PDE4B: variants seen among roughly 807,000 people sequenced by gnomAD.
PDE4B encodes the protein phosphodiesterase 4B, also known as 3',5'-cyclic-AMP phosphodiesterase 4B.
PDE4B carries 20 observed loss-of-function variants against 82.2 expected under a neutral mutation model. The ratio of observed to expected loss-of-function variants is 0.24; its 90% CI spans 0.17 to 0.35. The LOEUF (loss-of-function observed/expected upper bound fraction) is 0.35. Ranked by LOEUF, PDE4B falls within the 10% of genes least tolerant of loss-of-function variation. The pLI is 1.00. For synonymous variants in PDE4B, 320 were observed against 318.9 expected (o/e 1.00, Z -0.04); for missense variants, 655 against 907.2 (o/e 0.72, Z 3.57).
At chr1:66,053,696 T>C (rs2100870602) in intron 3 of PDE4B, among the ~76,000 whole-genome samples, 1 of 151,920 alleles carries the variant, frequency 6.6e-6, no homozygotes, top group Non-Finnish European at 1.5e-5. Flanking sequence ...CCATCTCCAC[T>C]AAAATACAAA....
chr1:66,093,345 G>T (rs1282413239), intron 3 of PDE4B, among the ~76,000 whole-genome samples: 2 of 151,988 alleles, frequency 1.3e-5, no homozygotes, highest in Admixed American at 1.3e-4. Context: ...ATGATGAGGT[G>T]GGTATTGCTT....
At chr1:65,851,067 T>C (rs1034213519) in intron 1 of PDE4B, among the ~76,000 whole-genome samples, 1 of 152,176 alleles carries the variant, frequency 6.6e-6, no homozygotes, top group Non-Finnish European at 1.5e-5. Context: ...AACAATTAGC[T>C]AAAAAGTCTT....
chr1:65,863,064 C>T (rs1044962085), intron 1 of PDE4B, among the ~76,000 whole-genome samples: 2 of 150,084 alleles, frequency 1.3e-5, no homozygotes, highest in African/African-American at 4.9e-5. Context: ...GTTTGCTCTT[C>T]CTTCTCTAGT....
intron 3 of PDE4B, among the ~76,000 whole-genome samples, chr1:66,154,340 C>T (rs933965849): frequency 5.9e-5 from 9 of 152,144 alleles, no homozygotes; most frequent in East Asian, 3.9e-4. Flanking sequence ...AATGACCAGG[C>T]GGTTCTCCAT....
chr1:65,864,791 G>A (rs1256665206), intron 1 of PDE4B, among the ~76,000 whole-genome samples: 1 of 152,176 alleles, frequency 6.6e-6, no homozygotes, highest in African/African-American at 2.4e-5. Context: ...CCTGTATGAA[G>A]TGTCTGTCGA....
chr1:66,358,397 G>T (rs185620975), intron 9 of PDE4B, among the ~76,000 whole-genome samples: 1 of 152,122 alleles, frequency 6.6e-6, no homozygotes, highest in Admixed American at 6.5e-5. Flanking sequence ...TTAACAGGCC[G>T]GGCGTGGCAG....
intron 3 of PDE4B, among the ~76,000 whole-genome samples, chr1:66,091,280 C>G (rs1010431356): frequency 6.6e-6 from 1 of 152,054 alleles, no homozygotes; most frequent in Non-Finnish European, 1.5e-5. Flanking sequence ...GGTTTCCTAG[C>G]AACCAAGTTT....
At chr1:65,845,899 G>A (rs1646263108) in intron 1 of PDE4B, among the ~76,000 whole-genome samples, 1 of 152,130 alleles carries the variant, frequency 6.6e-6, no homozygotes, top group African/African-American at 2.4e-5. Context: ...TCCCTATGCA[G>A]GGGCTTAGAG....
intron 3 of PDE4B, among the ~76,000 whole-genome samples, chr1:66,064,915 A>G (rs900712406): frequency 6.6e-6 from 1 of 151,960 alleles, no homozygotes; most frequent in Admixed American, 6.6e-5. Context: ...AAACTATATT[A>G]TTGCTTTTCT....
At chr1:65,991,838 C>T (rs896706450) in intron 3 of PDE4B, among the ~76,000 whole-genome samples, 3 of 152,202 alleles carry the variant, frequency 2.0e-5, no homozygotes, top group Non-Finnish European at 4.4e-5. Flanking sequence ...TGCACACACA[C>T]AAACACATGC....
In PDE4B at chr1:66,363,591, T is replaced by C. The variant is rs1427827549; in HGVS notation, c.1284+20T>C. ...TTAGACGTGAGTAATTATGACCTGT[T>C]TTGCATTCCTGCCCATCCTCCTTCA... On this transcript the variant is annotated intron_variant, in intron 12 of 16. Transcript: ENST00000341517. 1.3e-6 allele frequency: 2 copies of C among 1,594,200 alleles called. No individual in the cohort carries two copies. The highest frequency in any genetic ancestry group is 1.7e-6 in the Non-Finnish European group (2 of 1,166,836).
At chr1:66,003,782 T>G (rs1170725960) in intron 3 of PDE4B, among the ~76,000 whole-genome samples, 1 of 152,212 alleles carries the variant, frequency 6.6e-6, no homozygotes, top group African/African-American at 2.4e-5. Context: ...CTATGGGATC[T>G]AAGTCTTTCT....
intron 3 of PDE4B, among the ~76,000 whole-genome samples, chr1:66,133,996 G>A (rs74084633): frequency 4.3e-4 from 65 of 151,510 alleles, no homozygotes; most frequent in African/African-American, 1.5e-3. Flanking sequence ...AAAAGGCAGA[G>A]AGAGAAATGC....
intron 6 of PDE4B, among the ~76,000 whole-genome samples, chr1:66,260,097 TG>T (rs1448797474): frequency 2.0e-5 from 3 of 152,196 alleles, no homozygotes; most frequent in African/African-American, 7.2e-5. Context: ...AATCCAGAAG[TG>T]GTGTAACACT....
intron 1 of PDE4B, among the ~76,000 whole-genome samples, chr1:65,850,028 C>T (rs965811356): frequency 1.3e-5 from 2 of 151,894 alleles, no homozygotes; most frequent in African/African-American, 4.8e-5. Context: ...AAAGCAGTTG[C>T]ACCATTCGCA....
intron 3 of PDE4B, among the ~76,000 whole-genome samples, chr1:66,016,387 C>G (rs1038057873): frequency 6.6e-6 from 1 of 152,196 alleles, no homozygotes; most frequent in Admixed American, 6.5e-5. Flanking sequence ...CTGTATTCCA[C>G]ATACTACTTT....
intron 1 of PDE4B, among the ~76,000 whole-genome samples, chr1:65,884,375 T>A (rs1198932226): frequency 6.6e-6 from 1 of 152,118 alleles, no homozygotes; most frequent in Non-Finnish European, 1.5e-5. Context: ...TTCTTCCTGG[T>A]TTAGTCCTGG....
At chr1:65,824,950 A>G (rs934107534) in intron 1 of PDE4B, among the ~76,000 whole-genome samples, 2 of 152,174 alleles carry the variant, frequency 1.3e-5, no homozygotes, top group African/African-American at 2.4e-5. Flanking sequence ...AACACAATCT[A>G]TCTCTCATAA....
intron 3 of PDE4B, among the ~76,000 whole-genome samples, chr1:66,011,886 G>T (rs1175595376): frequency 3.9e-5 from 6 of 152,016 alleles, no homozygotes; most frequent in Non-Finnish European, 8.8e-5. Context: ...AATGAAAAAT[G>T]ACCTTTTTTT....
Sources: gnomAD v4.1 joint callset for allele counts (sites outside exome capture counted in the v4.1 genomes callset) on GRCh38, gnomAD v4.1.1 for gene constraint, MANE v1.5 for transcripts, NCBI Gene and HGNC (gene_info 2026-07-23, HGNC 2026-07-21) for gene names.